GRIP1: variants seen among roughly 807,000 people sequenced by gnomAD.
The protein encoded by GRIP1 is glutamate receptor-interacting protein 1.
A neutral mutation model predicts 129.9 loss-of-function variants in GRIP1; 45 were observed. That is an observed-to-expected ratio of 0.35 (90% CI 0.27 to 0.44). The LOEUF (loss-of-function observed/expected upper bound fraction) is 0.44, where lower values mean the gene tolerates loss of function less well. Ranked by LOEUF, GRIP1 falls within the 20% of genes least tolerant of loss-of-function variation. The probability of loss-of-function intolerance (pLI) is 1.00; values close to 1 mark genes in which losing one functional copy is unlikely to be tolerated. For synonymous variants in GRIP1, 530 were observed against 520.8 expected (o/e 1.02, Z -0.24); for missense variants, 1,196 against 1,396.8 (o/e 0.86, Z 2.29).
At chr12:67,031,230 A>G (rs1311109087) in intron 1 of GRIP1, among the ~76,000 whole-genome samples, 1 of 152,188 alleles carries the variant, frequency 6.6e-6, no homozygotes, top group East Asian at 1.9e-4. Flanking sequence ...TAATGGTGAA[A>G]GTCAAAGACT....
chr12:66,488,497 T>G (rs145729884), intron 7 of GRIP1, among the ~76,000 whole-genome samples: 129 of 152,192 alleles, frequency 8.5e-4, no homozygotes, highest in Non-Finnish European at 1.5e-3. Context: ...AAGTTTATAG[T>G]ACTAAATACC....
intron 23 of GRIP1, among the ~76,000 whole-genome samples, chr12:66,364,265 C>CAAAAAAAAAAAAAAAAAAAAA (rs1159887365): frequency 1.2e-4 from 2 of 16,342 alleles, no homozygotes; most frequent in South Asian, 3.7e-3. Context: ...GACTCCATCT[C>CAAAAAAAAAAAAAAAAAAAAA]AAAAAAAAAA....
At chr12:66,400,738 T>G (rs1386905142) in intron 16 of GRIP1, among the ~76,000 whole-genome samples, 2 of 152,182 alleles carry the variant, frequency 1.3e-5, no homozygotes, top group Non-Finnish European at 2.9e-5. Flanking sequence ...AGCTGTATAT[T>G]TGATTGACAA....
At chr12:66,375,520 T>C (rs1007817319) in intron 22 of GRIP1, among the ~76,000 whole-genome samples, 2 of 152,204 alleles carry the variant, frequency 1.3e-5, no homozygotes, top group Non-Finnish European at 2.9e-5. Context: ...AACCAATAAA[T>C]AAATATTCTT....
chr12:66,781,064 G>A (rs2038142848), intron 1 of GRIP1, among the ~76,000 whole-genome samples: 1 of 152,130 alleles, frequency 6.6e-6, no homozygotes, highest in Admixed American at 6.6e-5. Flanking sequence ...AGTTCTAGGG[G>A]AGTTTGTTAC....
chr12:66,504,364 A>G (rs1168763913), intron 7 of GRIP1, among the ~76,000 whole-genome samples: 1 of 152,210 alleles, frequency 6.6e-6, no homozygotes, highest in Admixed American at 6.5e-5. Context: ...AAAGATGACA[A>G]CAAACTATTC....
intron 16 of GRIP1, among the ~76,000 whole-genome samples, chr12:66,403,444 T>C (rs2057080483): frequency 6.6e-6 from 1 of 152,198 alleles, no homozygotes; most frequent in Admixed American, 6.5e-5. Flanking sequence ...AAAAATGAAT[T>C]CAGATACTCA....
At chr12:66,504,826 C>T (rs1350017736) in intron 7 of GRIP1, among the ~76,000 whole-genome samples, 1 of 152,192 alleles carries the variant, frequency 6.6e-6, no homozygotes, top group Non-Finnish European at 1.5e-5. Context: ...TCAAAAGCTA[C>T]TTATTCATTT....
At chr12:66,472,134 T>C (rs2059455703) in intron 7 of GRIP1, among the ~76,000 whole-genome samples, 2 of 152,206 alleles carry the variant, frequency 1.3e-5, no homozygotes, top group Admixed American at 1.3e-4. Flanking sequence ...GGAAGCCTAA[T>C]TATATTCTTG....
At chr12:66,653,804 A>G (rs1159808491) in intron 1 of GRIP1, among the ~76,000 whole-genome samples, 1 of 152,204 alleles carries the variant, frequency 6.6e-6, no homozygotes, top group Admixed American at 6.5e-5. Context: ...TCTATACTCA[A>G]AAACAAGATT....
At chr12:66,825,085 C>T (rs2039386455) in intron 1 of GRIP1, among the ~76,000 whole-genome samples, 2 of 152,126 alleles carry the variant, frequency 1.3e-5, no homozygotes, top group South Asian at 4.1e-4. Context: ...TTTGAGCAGT[C>T]TGTCTGCATC....
intron 1 of GRIP1, among the ~76,000 whole-genome samples, chr12:66,965,482 T>C (rs1055521499): frequency 1.3e-5 from 2 of 151,862 alleles, no homozygotes; most frequent in African/African-American, 4.8e-5. Context: ...AAAGGAGGTA[T>C]CTATGAGGGG....
chr12:66,444,863 C>T, intron 12 of GRIP1, 134 bp from the exon 13 acceptor site: 1 of 845,354 alleles, frequency 1.2e-6, no homozygotes, highest in Admixed American at 1.9e-5. Context: ...CTGTGGGCAT[C>T]ATATAGGTCA....
At chr12:66,644,043 T>G (rs982533594) in intron 1 of GRIP1, among the ~76,000 whole-genome samples, 1 of 152,130 alleles carries the variant, frequency 6.6e-6, no homozygotes, top group African/African-American at 2.4e-5. Flanking sequence ...AGGTACTTCT[T>G]ACACGGCAGC....
At chr12:66,901,272 T>C (rs994972411) in intron 1 of GRIP1, among the ~76,000 whole-genome samples, 1 of 152,188 alleles carries the variant, frequency 6.6e-6, no homozygotes, top group Non-Finnish European at 1.5e-5. Context: ...CAATTTCACA[T>C]GATGAGGGGA....
intron 1 of GRIP1, among the ~76,000 whole-genome samples, chr12:66,635,235 T>C (rs959801569): frequency 2.0e-5 from 3 of 151,740 alleles, no homozygotes; most frequent in African/African-American, 7.3e-5. Context: ...CTAGGCAACA[T>C]AGCGAGACCC....
intron 1 of GRIP1, among the ~76,000 whole-genome samples, chr12:66,692,343 G>T (rs1490901306): frequency 1.3e-5 from 2 of 152,208 alleles, no homozygotes; most frequent in African/African-American, 4.8e-5. Context: ...AAGTTCAAAT[G>T]AAACAGAAAT....
chr12:66,680,783 G>A (rs2034554554), upstream of GRIP1, among the ~76,000 whole-genome samples: 2 of 152,122 alleles, frequency 1.3e-5, no homozygotes, highest in Non-Finnish European at 2.9e-5. Context: ...ATACGCAGCT[G>A]TCAATTACTA....
At chr12:66,402,194 T>C (rs1046254779) in intron 16 of GRIP1, among the ~76,000 whole-genome samples, 5 of 152,212 alleles carry the variant, frequency 3.3e-5, no homozygotes, top group Non-Finnish European at 7.3e-5. Flanking sequence ...CAGGCTGAAA[T>C]GGATGCCTTC....
Sources: allele counts gnomAD v4.1 joint callset (sites outside exome capture counted in the v4.1 genomes callset), GRCh38; gene constraint gnomAD v4.1.1; transcripts MANE v1.5; gene names NCBI Gene and HGNC (gene_info 2026-07-23, HGNC 2026-07-21).